Variants in AGBL1 observed in about 807,000 individuals in gnomAD.
AGBL1 encodes AGBL carboxypeptidase 1, also known as cytosolic carboxypeptidase 4.
AGBL1 carries 130 observed loss-of-function variants against 118.9 expected under a neutral mutation model. The observed-to-expected ratio is 1.09, with a 90% CI of 0.95 to 1.26. The LOEUF (loss-of-function observed/expected upper bound fraction) is 1.26, where lower values mean the gene tolerates loss of function less well. Ranked by LOEUF, AGBL1 falls within the 50% of genes most tolerant of loss-of-function variation. The probability of loss-of-function intolerance (pLI) is 0.00; values close to 1 mark genes in which losing one functional copy is unlikely to be tolerated. For missense variants in AGBL1, 1,584 were observed against 1,298.1 expected (o/e 1.22, Z -3.38); for synonymous variants, 555 against 478.9 (o/e 1.16, Z -2.08).
chr15:86,569,789 T>C (rs1364999464), intron 21 of AGBL1, among the ~76,000 whole-genome samples: 1 of 152,160 alleles, frequency 6.6e-6, no homozygotes, highest in Non-Finnish European at 1.5e-5. Flanking sequence ...CTGGGAACCA[T>C]GAAATTTAAA....
At chr15:86,395,067 C>G (rs2081343055) in intron 17 of AGBL1, among the ~76,000 whole-genome samples, 1 of 152,132 alleles carries the variant, frequency 6.6e-6, no homozygotes, top group African/African-American at 2.4e-5. Flanking sequence ...TAACTGATGA[C>G]TCTGCAATAT....
intron 5 of AGBL1, among the ~76,000 whole-genome samples, chr15:86,182,407 C>G (rs2077566135): frequency 6.6e-6 from 1 of 152,048 alleles, no homozygotes; most frequent in Non-Finnish European, 1.5e-5. Flanking sequence ...CTGCTGTTTA[C>G]TGTCTCCCAC....
chr15:86,253,042 T>C (rs1303814996), intron 7 of AGBL1, among the ~76,000 whole-genome samples: 6 of 151,798 alleles, frequency 4.0e-5, no homozygotes, highest in African/African-American at 1.5e-4. Context: ...GAGACGAGGG[T>C]TCCAGGGAGA....
intron 22 of AGBL1, among the ~76,000 whole-genome samples, chr15:86,866,592 G>A (rs2079633634): frequency 1.3e-5 from 2 of 152,348 alleles, no homozygotes; most frequent in South Asian, 2.1e-4. Context: ...GGTGGCTCAA[G>A]CCTGTAATCC....
At chr15:86,310,635 C>T (rs186257955) in intron 17 of AGBL1, among the ~76,000 whole-genome samples, 32 of 152,152 alleles carry the variant, frequency 2.1e-4, no homozygotes, top group East Asian at 1.2e-3. Context: ...AGCCTGTGTT[C>T]GCAGGGGCTG....
chr15:86,742,370 T>C lies in AGBL1; in HGVS notation c.3158+67934T>C, dbSNP rs560962022. Among the ~76,000 whole-genome samples the C allele has an allele frequency of 2.0e-3, 300 of 152,268 alleles. 1 individual carries two copies. The highest frequency in any genetic ancestry group is 6.9e-3 in the African/African-American group (285 of 41,558). On this transcript the variant is annotated intron_variant, in intron 22 of 22. Transcript: ENST00000614907. ...TGTCGAGTCCCTTTGTCAAGAAATA[T>C]ATGACAGAAGTGACTAAACTCTTCT...
intron 22 of AGBL1, among the ~76,000 whole-genome samples, chr15:86,789,019 A>C (rs2078454592): frequency 1.3e-5 from 2 of 152,202 alleles, no homozygotes; most frequent in Non-Finnish European, 2.9e-5. Context: ...CACACTGCAA[A>C]ATCTGGAAGG....
intron 21 of AGBL1, among the ~76,000 whole-genome samples, chr15:86,557,623 G>T (rs562301269): frequency 6.6e-6 from 1 of 152,226 alleles, no homozygotes; most frequent in East Asian, 1.9e-4. Flanking sequence ...CACCCACAAG[G>T]GCTCCTTTAA....
intron 22 of AGBL1, among the ~76,000 whole-genome samples, chr15:86,905,349 A>G (rs2080267598): frequency 6.6e-6 from 1 of 152,180 alleles, no homozygotes; most frequent in African/African-American, 2.4e-5. Flanking sequence ...CTCACATTGC[A>G]CTAATAGGCA....
At chr15:86,080,141 C>T in intron 1 of AGBL1, 118 bp downstream of exon 1, 1 of 749,534 alleles carries the variant, frequency 1.3e-6, no homozygotes, top group Non-Finnish European at 1.8e-6. Flanking sequence ...TTGTTAACAG[C>T]AAGAGAACAG....
intron 22 of AGBL1, among the ~76,000 whole-genome samples, chr15:86,844,742 T>C (rs550425690): frequency 9.2e-4 from 140 of 152,310 alleles, no homozygotes; most frequent in African/African-American, 3.3e-3. Flanking sequence ...TTTAATCTTA[T>C]ATATCATGCT....
rs140020051 is a variant in AGBL1 at position 86,947,187 on chromosome 15, G to T, written c.3222-40800G>T. On this transcript the variant is annotated intron_variant, in intron 23 of 24. Transcript: ENST00000441037. ...GAATAATGAATAATGAAAGCTGCCC[G>T]GCTCCTGTTGACTAAGTATATGCTT... Among the ~76,000 whole-genome samples the T allele has an allele frequency of 5.0e-4, 76 of 152,226 alleles. No individual in the cohort carries two copies. The East Asian group carries it at 0.014, about 27-fold the overall frequency.
chr15:86,423,479 G>C (rs1396899110), intron 18 of AGBL1, among the ~76,000 whole-genome samples: 2 of 151,516 alleles, frequency 1.3e-5, no homozygotes, highest in African/African-American at 2.4e-5. Flanking sequence ...ACCAGCACTA[G>C]ACAAGGATGT....
intron 17 of AGBL1, among the ~76,000 whole-genome samples, chr15:86,311,334 C>G (rs2079917853): frequency 6.6e-6 from 1 of 152,166 alleles, no homozygotes; most frequent in Non-Finnish European, 1.5e-5. Context: ...TTACATGCTA[C>G]TTTCTTCCAT....
At chr15:86,399,684 A>G (rs76812931) in intron 18 of AGBL1, among the ~76,000 whole-genome samples, 4,424 of 152,322 alleles carry the variant, frequency 0.029, 110 homozygotes, top group Non-Finnish European at 0.041. Context: ...GGATTTATCC[A>G]GATCTTTGGT....
At chr15:86,670,665 G>T (rs2085731745) in intron 21 of AGBL1, among the ~76,000 whole-genome samples, 1 of 120,974 alleles carries the variant, frequency 8.3e-6, no homozygotes, top group African/African-American at 3.3e-5. Flanking sequence ...TATATATATA[G>T]CAAACTTATA....
At chr15:86,667,953 C>G (rs11073655) in intron 21 of AGBL1, among the ~76,000 whole-genome samples, 4 of 152,044 alleles carry the variant, frequency 2.6e-5, no homozygotes, top group Non-Finnish European at 4.4e-5. Context: ...AGCATCTGCT[C>G]AGCTTCTGGT....
intron 11 of AGBL1, among the ~76,000 whole-genome samples, chr15:86,265,057 T>G (rs978800232): frequency 1.3e-5 from 2 of 152,202 alleles, no homozygotes; most frequent in African/African-American, 2.4e-5. Flanking sequence ...CATTTTCTGA[T>G]GAAAAATTCC....
At chr15:86,273,676 A>G (rs770739463) in intron 15 of AGBL1, among the ~76,000 whole-genome samples, 3 of 152,136 alleles carry the variant, frequency 2.0e-5, no homozygotes, top group Non-Finnish European at 4.4e-5. Flanking sequence ...TTAATTTGGG[A>G]GAACTTTACT....
Sources: gnomAD v4.1 joint callset for allele counts (sites outside exome capture counted in the v4.1 genomes callset) on GRCh38, gnomAD v4.1.1 for gene constraint, MANE v1.5 for transcripts, NCBI Gene and HGNC (gene_info 2026-07-23, HGNC 2026-07-21) for gene names.